Variants in CNGB1 observed in about 807,000 individuals in gnomAD.
The protein encoded by CNGB1 is cyclic nucleotide gated channel subunit beta 1.
CNGB1 carries 126 observed loss-of-function variants against 151.7 expected under a neutral mutation model. The observed-to-expected ratio is 0.83, with a 90% CI of 0.72 to 0.96. CNGB1 has a LOEUF of 0.96. CNGB1 is among the 40% of genes least tolerant of loss of function. CNGB1 has a pLI of 0.00. For synonymous variants in CNGB1, 623 were observed against 635.1 expected (o/e 0.98, Z 0.29); for missense variants, 1,698 against 1,627.0 (o/e 1.04, Z -0.75).
Position 57,939,448 on chromosome 16 carries a change from C to T in CNGB1, c.1354G>A (p.Glu452Lys), listed in dbSNP as rs1961603783. The change falls in exon 16 of 33, where the codon GAG becomes AAG. Residue 452 changes from glutamate (E) to lysine (K), a missense_variant. By Grantham distance (56) the Glu-to-Lys change is moderately conservative (BLOSUM62 1). Transcript: ENST00000251102. ...CACCTACCTCCTGAACTGGCAGCCT[C>T]GGCCTCAGCCTCAGGCTCCTCCTTG... ...ETKEEPEAEAEAASSGVPATK... is the reference protein window; with the variant it reads ...ETKEEPEAEAKAASSGVPATK... The T allele has an allele frequency of 3.1e-6, 5 of 1,614,148 alleles. No homozygotes were observed. The highest frequency in any genetic ancestry group is 2.2e-5 in the East Asian group (1 of 44,862).
intron 1 of CNGB1, among the ~76,000 whole-genome samples, chr16:57,968,825 G>C (rs1962462159): frequency 6.7e-6 from 1 of 148,196 alleles, no homozygotes; most frequent in South Asian, 2.1e-4. Flanking sequence ...TCAGGAGTTC[G>C]AGACCACTGT....
rs372268628 is a variant in CNGB1 at position 57,911,809 on chromosome 16, T to C, written c.2436A>G (p.Ala812=). The stretch of plus-strand genomic sequence containing the variant: ...TGGAGCCGAGGCCCTGATAGGCCGA[T>C]GCCCAGTAATAAAGACAGGAATTCA... ...LHLNSCLYYW[A]SAYQGLGSTH... is the part of the protein sequence containing the mutation. The change falls in exon 25 of 33, where the codon GCA becomes GCG. Residue 812 remains alanine (A), a synonymous_variant. Coordinates refer to ENST00000251102, the MANE Select transcript of CNGB1 (RefSeq NM_001297.5). 9.3e-6 allele frequency: 15 copies of C among 1,614,122 alleles called. No homozygotes were observed. The African/African-American group carries it at 2.0e-4, about 22-fold the overall frequency.
intron 2 of CNGB1, among the ~76,000 whole-genome samples, chr16:57,966,623 A>T (rs554887183): frequency 6.6e-6 from 1 of 152,214 alleles, no homozygotes; most frequent in Admixed American, 6.5e-5. Context: ...GTACTTAGCT[A>T]CAGAGTAGAT....
chr16:57,957,091 C>A (rs1412089617), intron 12 of CNGB1, among the ~76,000 whole-genome samples: 3 of 152,194 alleles, frequency 2.0e-5, no homozygotes, highest in Non-Finnish European at 4.4e-5. Flanking sequence ...AGAAGCTGGA[C>A]ACTGGGCTCC....
At chr16:57,910,049 A>T (rs1411302887) in intron 25 of CNGB1, among the ~76,000 whole-genome samples, 1 of 152,178 alleles carries the variant, frequency 6.6e-6, no homozygotes, top group Non-Finnish European at 1.5e-5. Context: ...CACCATTGTA[A>T]ACCAAAAATA....
At chr16:57,943,447 G>A (rs1202415735) in intron 14 of CNGB1, among the ~76,000 whole-genome samples, 1 of 152,130 alleles carries the variant, frequency 6.6e-6, no homozygotes, top group Non-Finnish European at 1.5e-5. Context: ...CGAGGTGGGT[G>A]GATCATGAGG....
chr16:57,916,450 C>A (rs1442960471), intron 21 of CNGB1, among the ~76,000 whole-genome samples: 3 of 152,204 alleles, frequency 2.0e-5, no homozygotes, highest in African/African-American at 7.2e-5. Context: ...TTGGTCTTAC[C>A]TGGACCATTT....
Position 57,911,829 on chromosome 16 carries a change from A to G in CNGB1, c.2416T>C (p.Ser806Pro). The G allele has an allele frequency of 6.2e-7, 1 of 1,614,074 alleles. No homozygotes were observed. The highest frequency in any genetic ancestry group is 8.5e-7 in the Non-Finnish European group (1 of 1,179,970). The change falls in exon 25 of 33, where the codon TCC becomes CCC. Residue 806 changes from serine to proline, a missense_variant. By Grantham distance (74) the Ser-to-Pro change is moderately conservative (BLOSUM62 -1). Transcript: ENST00000251102. ...GCCGATGCCCAGTAATAAAGACAGG[A>G]ATTCAAATGCAGGCTGTAGAGAAGG... ...AYLLYSLHLNSCLYYWASAYQ... is the reference protein window; with the variant it reads ...AYLLYSLHLNPCLYYWASAYQ...
chr16:57,939,311 A>G (rs1325911389), intron 16 of CNGB1, 119 bp downstream of exon 16: 4 of 1,422,114 alleles, frequency 2.8e-6, no homozygotes, highest in Non-Finnish European at 3.9e-6. Flanking sequence ...CTGAGGGGGC[A>G]ATGGGGGGAA....
Position 57,960,835 on chromosome 16 carries a change from C to T in CNGB1, c.534+5G>A. ...AACTCCCTGCCTCTCCCTTCCTTGGCTCACCTCAGAGGATTTGGGGGGCTG... is the reference window on the plus strand; with the variant it reads ...AACTCCCTGCCTCTCCCTTCCTTGGTTCACCTCAGAGGATTTGGGGGGCTG... On this transcript the variant is annotated splice_donor_5th_base_variant and intron_variant, in intron 8 of 32. Transcript: ENST00000251102. 1.2e-6 allele frequency: 2 copies of T among 1,613,692 alleles called. No individual in the cohort carries two copies. Among genetic ancestry groups the T allele is most frequent in the Non-Finnish European group, 1.7e-6 (2 of 1,179,892 alleles).
chr16:57,924,247 C>T (rs188580548), intron 17 of CNGB1, among the ~76,000 whole-genome samples: 5 of 152,096 alleles, frequency 3.3e-5, no homozygotes, highest in Admixed American at 6.5e-5. Flanking sequence ...AATTGGTTTA[C>T]TGAGAAACGC....
Position 57,897,426 on chromosome 16 carries a change from C to A in CNGB1, c.3213G>T (p.Glu1071Asp). 6.2e-7 allele frequency: 1 copy of A among 1,614,132 alleles called. No individual in the cohort carries two copies. The highest frequency in any genetic ancestry group is 1.1e-5 in the South Asian group (1 of 91,090). Reference sequence around the variant, plus strand: ...CTTTCTTCCGGAGTAACTTCTGAGACTCAGGATAATGCACCAAAATCTCAT... The same window carrying A: ...CTTTCTTCCGGAGTAACTTCTGAGAATCAGGATAATGCACCAAAATCTCAT... Reference protein sequence around the residue: ...DLNEILVHYPESQKLLRKKAR... With the variant: ...DLNEILVHYPDSQKLLRKKAR... Residue 1071 changes from glutamate to aspartate, a missense_variant, in exon 31 of 33, where the codon GAG becomes GAT. Physicochemically the swap from Glu to Asp is conservative, Grantham distance 45 (BLOSUM62 2). Coordinates refer to ENST00000251102, the MANE Select transcript of CNGB1 (RefSeq NM_001297.5).
At chr16:57,930,800 T>C (rs1334478514) in intron 17 of CNGB1, among the ~76,000 whole-genome samples, 1 of 151,950 alleles carries the variant, frequency 6.6e-6, no homozygotes, top group Non-Finnish European at 1.5e-5. Context: ...TCTAAAGTAG[T>C]CAAGCTCATA....
At chr16:57,918,640 A>G (rs1288578990) in intron 20 of CNGB1, among the ~76,000 whole-genome samples, 3 of 152,166 alleles carry the variant, frequency 2.0e-5, no homozygotes, top group Admixed American at 1.3e-4. Flanking sequence ...TGGCTGACTT[A>G]TCTGTACCTT....
chr16:57,896,322 G>A (rs1197901933), intron 31 of CNGB1, among the ~76,000 whole-genome samples: 4 of 152,150 alleles, frequency 2.6e-5, no homozygotes, highest in Non-Finnish European at 2.9e-5. Flanking sequence ...CTGCAGAAGC[G>A]ACTCACTTCT....
intron 17 of CNGB1, among the ~76,000 whole-genome samples, chr16:57,924,855 C>T (rs1237613873): frequency 6.6e-6 from 1 of 152,136 alleles, no homozygotes; most frequent in African/African-American, 2.4e-5. Context: ...CTCAGTTCTG[C>T]TCCTGCCATG....
At chr16:57,967,672 A>G (rs528319661) in intron 1 of CNGB1, among the ~76,000 whole-genome samples, 1 of 152,260 alleles carries the variant, frequency 6.6e-6, no homozygotes, top group East Asian at 1.9e-4. Context: ...TCCAGCCTGC[A>G]CAACAGAGTG....
intron 25 of CNGB1, among the ~76,000 whole-genome samples, chr16:57,905,581 C>A (rs181374193): frequency 6.6e-6 from 1 of 152,238 alleles, no homozygotes; most frequent in African/African-American, 2.4e-5. Flanking sequence ...CTGAATGTGT[C>A]CCCCGAAATT....
At position 57,897,491 on chromosome 16, in the gene CNGB1, C is replaced by T. The variant is rs578138182; in HGVS notation, c.3148G>A (p.Gly1050Arg). 41 of 1,613,990 alleles carry T rather than the reference C, an allele frequency of 2.5e-5. 1 individual carries two copies. In the South Asian group the frequency reaches 3.4e-4, roughly 13 times the overall value. Residue 1050 changes from glycine (G) to arginine (R), a missense_variant, in exon 31 of 33, where the codon GGG (glycine) becomes AGG (arginine). Gly to Arg is a moderately radical substitution (Grantham distance 125). Coordinates refer to ENST00000251102, the MANE Select transcript of CNGB1 (RefSeq NM_001297.5). ...TCCAGGATGAAGAGGTTGGTAAACC[C>T]GTGCGCCACCACGTTGGCCGTGCGC... is the stretch of plus-strand genomic sequence containing the variant. ...NRRTANVVAH[G>R]FTNLFILDKK...
Sources: allele counts gnomAD v4.1 joint callset (sites outside exome capture counted in the v4.1 genomes callset), GRCh38; gene constraint gnomAD v4.1.1; transcripts MANE v1.5; gene names NCBI Gene and HGNC (gene_info 2026-07-23, HGNC 2026-07-21).